The following NAP1L3 variants were observed in gnomAD, a reference collection of about 807,000 sequenced individuals.
NAP1L3 encodes the protein nucleosome assembly protein 1 like 3.
For synonymous variants in NAP1L3, 127 were observed against 131.9 expected (o/e 0.96, Z 0.25); for missense variants, 378 against 369.9 (o/e 1.02, Z -0.18).
Position 93,673,305 on chromosome X carries a change from C to T in NAP1L3, c.-1G>A, listed in dbSNP as rs766425655. 6.9e-5 allele frequency: 81 copies of T among 1,179,501 alleles called. 1 individual carries two copies. In the Admixed American group the frequency reaches 1.9e-3, roughly 27 times the overall value. Reference sequence around the variant, plus strand: ...CCATTTTAAAATCTGCTTCTGCCATCTTGCAAGCCTACAAACTCTACCAGG... The same window carrying T: ...CCATTTTAAAATCTGCTTCTGCCATTTTGCAAGCCTACAAACTCTACCAGG... On this transcript the variant is annotated 5_prime_UTR_variant, in exon 1 of 1. Transcript: ENST00000373079.
Position 93,672,652 on chromosome X carries a change from T to A in NAP1L3, c.653A>T (p.Asp218Val). ...TTCTTTAGGAACTTCCTTTTCTTCA[T>A]CCTTCACCTCAGGAATTTCTTTAGG... is the stretch of plus-strand genomic sequence containing the variant. Reference protein sequence around the residue: ...EVPKEIPEVKDEEKEVPKEIP... With the variant: ...EVPKEIPEVKVEEKEVPKEIP... The change falls in exon 1 of 1, where the codon GAT (aspartate) becomes GTT (valine). Residue 218 changes from aspartate to valine, a missense_variant. Asp to Val is a radical substitution (Grantham distance 152). Coordinates refer to ENST00000373079, the MANE Select transcript of NAP1L3 (RefSeq NM_004538.6). 1 of 1,211,093 alleles carries A rather than the reference T, an allele frequency of 8.3e-7. No individual in the cohort carries two copies. Among genetic ancestry groups the A allele is most frequent in the Non-Finnish European group, 1.1e-6 (1 of 895,383 alleles).
chrX:93,672,631 T>G lies in NAP1L3; in HGVS notation c.674A>C (p.Lys225Thr). 1 of 1,211,444 alleles carries G rather than the reference T, an allele frequency of 8.3e-7. No homozygotes were observed. The highest frequency in any genetic ancestry group is 1.1e-6 in the Non-Finnish European group (1 of 895,446). ...TTCAGCCTTTACCTCAGGAATTTCTTTAGGAACTTCCTTTTCTTCATCCTT... is the reference window on the plus strand; with the variant it reads ...TTCAGCCTTTACCTCAGGAATTTCTGTAGGAACTTCCTTTTCTTCATCCTT... ...EVKDEEKEVPKEIPEVKAEEK... is the reference protein window; with the variant it reads ...EVKDEEKEVPTEIPEVKAEEK... Residue 225 changes from lysine to threonine, a missense_variant, in exon 1 of 1, where the codon AAA (lysine) becomes ACA (threonine). Physicochemically the swap from Lys to Thr is moderately conservative, Grantham distance 78. Coordinates refer to ENST00000373079, the MANE Select transcript of NAP1L3 (RefSeq NM_004538.6).
Position 93,672,890 on chromosome X carries a change from G to A in NAP1L3, c.415C>T (p.Leu139Phe), listed in dbSNP as rs1602773090. 1 of 1,211,485 alleles carries A rather than the reference G, an allele frequency of 8.3e-7. No individual in the cohort carries two copies. Among genetic ancestry groups the A allele is most frequent in the Non-Finnish European group, 1.1e-6 (1 of 895,438 alleles). ...IHDLERKYAE[L>F]NKPLYDRRFQ... is the part of the protein sequence containing the mutation. ...CGCCTATCATACAGAGGCTTGTTGA[G>A]TTCAGCATATTTTCTTTCAAGATCA... Residue 139 changes from leucine to phenylalanine, a missense_variant, in exon 1 of 1, where the codon CTC (leucine) becomes TTC (phenylalanine). Physicochemically the swap from Leu to Phe is conservative, Grantham distance 22. Transcript: ENST00000373079.
In NAP1L3 at chrX:93,671,716, T is replaced by C. The variant is rs1003402836; in HGVS notation, c.*68A>G. 2 of 1,114,960 alleles carry C rather than the reference T, an allele frequency of 1.8e-6. No individual in the cohort carries two copies. The highest frequency in any genetic ancestry group is 1.9e-5 in the African/African-American group (1 of 53,870). The allele number at this position is 1,114,960 out of a possible 1,213,427, so 91.9% of individuals were successfully genotyped here. On this transcript the variant is annotated 3_prime_UTR_variant, in exon 1 of 1. Transcript: ENST00000373079. ...GGTTACAGGTCAGGGTTTTACTTTT[T>C]TCAAGGCTGTATGAATCTGCTTCAC...
In NAP1L3 at chrX:93,671,313, T is replaced by G. The variant is rs1924350802; in HGVS notation, c.*471A>C. 8.8e-6 allele frequency: 1 copy of G among 113,636 alleles called. No individual in the cohort carries two copies. The highest frequency in any genetic ancestry group is 3.2e-5 in the African/African-American group (1 of 30,862). The allele number at this position is 113,636 out of a possible 1,213,427, so 9.4% of individuals were successfully genotyped here. ...TAAGTACTGGATTTCTATAGCAAAC[T>G]AATGAAGGCACAGCTAGTGCAAGCA... On this transcript the variant is annotated 3_prime_UTR_variant, in exon 1 of 1. Transcript: ENST00000373079.
rs932297382 is a variant in NAP1L3 at position 93,673,554 on chromosome X, G to A, written c.-250C>T. On this transcript the variant is annotated 5_prime_UTR_variant, in exon 1 of 1. Coordinates refer to ENST00000373079, the MANE Select transcript of NAP1L3 (RefSeq NM_004538.6). ...CCGGCTGCAGCTAGAGTGCCGAGATGTACCGCAGCCGAATGGCGCAGTATG... is the reference window on the plus strand; with the variant it reads ...CCGGCTGCAGCTAGAGTGCCGAGATATACCGCAGCCGAATGGCGCAGTATG... 4.9e-5 allele frequency: 19 copies of A among 390,058 alleles called. No homozygotes were observed. Among genetic ancestry groups the A allele is most frequent in the African/African-American group, 3.4e-4 (13 of 37,990 alleles). 32.1% of individuals were successfully genotyped at this position (390,058 alleles called of 1,213,427 possible). A position where few individuals can be genotyped will look rare whatever the true frequency, so the allele number is the denominator to read the frequency against.
At position 93,671,113 on chromosome X, in the gene NAP1L3, CTA is replaced by C. The variant is rs928657779; in HGVS notation, c.*669_*670del. On this transcript the variant is annotated 3_prime_UTR_variant, in exon 1 of 1. Coordinates refer to ENST00000373079, the MANE Select transcript of NAP1L3 (RefSeq NM_004538.6). ...AGATGAAGAAACTTTTTCAAAAATA[CTA>C]TGTTATATTAACACCTCAGTGGTAA... is the stretch of plus-strand genomic sequence containing the variant. 10 of 112,087 alleles carry C rather than the reference CTA, an allele frequency of 8.9e-5. No individual in the cohort carries two copies. Among genetic ancestry groups the C allele is most frequent in the Admixed American group, 4.7e-4 (5 of 10,621 alleles). 9.2% of individuals were successfully genotyped at this position (112,087 alleles called of 1,213,427 possible). A position where few individuals can be genotyped will look rare whatever the true frequency, so the allele number is the denominator to read the frequency against.
In NAP1L3 at chrX:93,673,064, G is replaced by T. The variant is rs771951109; in HGVS notation, c.241C>A (p.Pro81Thr). The change falls in exon 1 of 1, where the codon CCT (proline) becomes ACT (threonine). Residue 81 changes from proline (P) to threonine (T), a missense_variant. By Grantham distance (38) the Pro-to-Thr change is conservative (BLOSUM62 -1). Transcript: ENST00000373079. ...CGCCGCGCCCTTCTGGAAGGCTCAG[G>T]TACCCTCTTCTTTCTATACAAGCGG... ...RSRLYRKKRVPEPSRRARRAP... is the reference protein window; with the variant it reads ...RSRLYRKKRVTEPSRRARRAP... The T allele has an allele frequency of 1.7e-5, 21 of 1,209,195 alleles. No individual in the cohort carries two copies. In the East Asian group the frequency reaches 6.2e-4, roughly 36 times the overall value.
At position 93,672,175 on chromosome X, in the gene NAP1L3, T is replaced by C; in HGVS notation, c.1130A>G (p.Tyr377Cys). 1 of 1,211,623 alleles carries C rather than the reference T, an allele frequency of 8.3e-7. No individual in the cohort carries two copies. The highest frequency in any genetic ancestry group is 1.1e-6 in the Non-Finnish European group (1 of 895,447). The change falls in exon 1 of 1, where the codon TAT becomes TGT. Residue 377 changes from tyrosine (Y) to cysteine (C), a missense_variant. Transcript: ENST00000373079. ...YFRNEVLVKT[Y>C]IIKAKPDHND... ...GTGATCTGGTTTTGCCTTTATTATA[T>C]ATGTCTTCACCAGCACCTCATTTCT...
chrX:93,673,462 A>C lies in NAP1L3; in HGVS notation c.-158T>G, dbSNP rs1475422597. 1.1e-6 allele frequency: 1 copy of C among 919,885 alleles called. No individual in the cohort carries two copies. Among genetic ancestry groups the C allele is most frequent in the Admixed American group, 4.1e-5 (1 of 24,537 alleles). The allele number at this position is 919,885 out of a possible 1,213,427, so 75.8% of individuals were successfully genotyped here. On this transcript the variant is annotated 5_prime_UTR_variant, in exon 1 of 1. Transcript: ENST00000373079. Reference sequence around the variant, plus strand: ...AGAGCGGAGCTGGAGCTGGGGATGCAGAGGCCGGCGCTGAGGTGGCAGCGG... The same window carrying C: ...AGAGCGGAGCTGGAGCTGGGGATGCCGAGGCCGGCGCTGAGGTGGCAGCGG...
Position 93,672,671 on chromosome X carries a change from C to T in NAP1L3, c.634G>A (p.Glu212Lys), listed in dbSNP as rs1311114900. ...VKAEEKEVPKEIPEVKDEEKE... is the reference protein window; with the variant it reads ...VKAEEKEVPKKIPEVKDEEKE... ...TCTTCATCCTTCACCTCAGGAATTT[C>T]TTTAGGAACTTCCTTCTCTTCAGCT... The change falls in exon 1 of 1, where the codon GAA becomes AAA. Residue 212 changes from glutamate (E) to lysine (K), a missense_variant. Glu to Lys is a moderately conservative substitution (Grantham distance 56). Coordinates refer to ENST00000373079, the MANE Select transcript of NAP1L3 (RefSeq NM_004538.6). 8.3e-7 allele frequency: 1 copy of T among 1,208,940 alleles called. No homozygotes were observed. The highest frequency in any genetic ancestry group is 3.0e-5 in the East Asian group (1 of 33,732).
rs1249730364 is a variant in NAP1L3, at chrX:93,671,616, C to A, written c.*168G>T. 15 of 808,424 alleles carry A rather than the reference C, an allele frequency of 1.9e-5. No individual in the cohort carries two copies. The highest frequency in any genetic ancestry group is 2.3e-5 in the Non-Finnish European group (14 of 601,858). 66.6% of individuals were successfully genotyped at this position (808,424 alleles called of 1,213,427 possible). On this transcript the variant is annotated 3_prime_UTR_variant, in exon 1 of 1. Transcript: ENST00000373079. ...GATAGAATAAACTGGCACTTAGACA[C>A]TTTTTAGGACTATTTTTAAAATATA...
chrX:93,671,769 A>T lies in NAP1L3; in HGVS notation c.*15T>A. On this transcript the variant is annotated 3_prime_UTR_variant, in exon 1 of 1. Transcript: ENST00000373079. Reference sequence around the variant, plus strand: ...CTTGAGATTTTAAGATTCTTGAAAAATCTTTCAGATTGACTTATTTTCTGT... The same window carrying T: ...CTTGAGATTTTAAGATTCTTGAAAATTCTTTCAGATTGACTTATTTTCTGT... 8.5e-7 allele frequency: 1 copy of T among 1,173,012 alleles called. No homozygotes were observed. Among genetic ancestry groups the T allele is most frequent in the Non-Finnish European group, 1.1e-6 (1 of 878,288 alleles).
At position 93,673,250 on chromosome X, in the gene NAP1L3, C is replaced by T; in HGVS notation, c.55G>A (p.Glu19Lys). 5.0e-6 allele frequency: 6 copies of T among 1,206,910 alleles called. No individual in the cohort carries two copies. The highest frequency in any genetic ancestry group is 6.7e-6 in the Non-Finnish European group (6 of 892,220). The change falls in exon 1 of 1, where the codon GAA becomes AAA. Residue 19 changes from glutamate (E) to lysine (K), a missense_variant. Physicochemically the swap from Glu to Lys is moderately conservative, Grantham distance 56. Transcript: ENST00000373079. ...CTAGTCGAGCTAGCCATCTCCTCTT[C>T]GGCAACCCCATGGGCGACAGGTTCC... The part of the protein sequence containing the change: ...VSEPVAHGVA[E>K]EEMASSTSDS...
chrX:93,671,409 C>CTT lies in NAP1L3; in HGVS notation c.*373_*374dup. ...AACACTTGCATTGGTACTTCATGAA[C>CTT]TTTTTTTTTCAAGCAAATATTTGTT... On this transcript the variant is annotated 3_prime_UTR_variant, in exon 1 of 1. Coordinates refer to ENST00000373079, the MANE Select transcript of NAP1L3 (RefSeq NM_004538.6). 7.9e-6 allele frequency: 1 copy of CTT among 125,891 alleles called. No individual in the cohort carries two copies. Among genetic ancestry groups the CTT allele is most frequent in the Non-Finnish European group, 1.6e-5 (1 of 62,540 alleles). 10.4% of individuals were successfully genotyped at this position (125,891 alleles called of 1,213,427 possible).
At position 93,671,416 on chromosome X, in the gene NAP1L3, T is replaced by A. The variant is rs1469352064; in HGVS notation, c.*368A>T. On this transcript the variant is annotated 3_prime_UTR_variant, in exon 1 of 1. Coordinates refer to ENST00000373079, the MANE Select transcript of NAP1L3 (RefSeq NM_004538.6). ...GCATTGGTACTTCATGAACTTTTTT[T>A]TTCAAGCAAATATTTGTTTCAGTTA... 1 of 129,611 alleles carries A rather than the reference T, an allele frequency of 7.7e-6. No individual in the cohort carries two copies. Among genetic ancestry groups the A allele is most frequent in the African/African-American group, 3.2e-5 (1 of 31,541 alleles). 10.7% of individuals were successfully genotyped at this position (129,611 alleles called of 1,213,427 possible).
rs778332322 is a variant in NAP1L3, at chrX:93,671,800, T to C, written c.1505A>G (p.Lys502Arg). Residue 502 changes from lysine (K) to arginine (R), a missense_variant, in exon 1 of 1, where the codon AAG becomes AGG. Physicochemically the swap from Lys to Arg is conservative, Grantham distance 26. Transcript: ENST00000373079. ...YYQFGKHYGN[K>R]KYRK ...CAGATTGACTTATTTTCTGTATTTC[T>C]TGTTTCCATAATGTTTGCCAAATTG... 31 of 1,190,882 alleles carry C rather than the reference T, an allele frequency of 2.6e-5. No individual in the cohort carries two copies. The highest frequency in any genetic ancestry group is 3.5e-5 in the Non-Finnish European group (31 of 886,242).
In NAP1L3 at chrX:93,673,409, G is replaced by GTGGCAGCGGCGA. The variant is rs1464196174; in HGVS notation, c.-117_-106dup. On this transcript the variant is annotated 5_prime_UTR_variant, in exon 1 of 1. Transcript: ENST00000373079. ...GGCGGCGGAGGCCCGGGCTGCGGAG[G>GTGGCAGCGGCGA]TGGCAGCGGCGATGGCAGCAGCGGC... 3.6e-6 allele frequency: 4 copies of GTGGCAGCGGCGA among 1,095,957 alleles called. No homozygotes were observed. The highest frequency in any genetic ancestry group is 4.7e-5 in the South Asian group (2 of 42,643). The allele number at this position is 1,095,957 out of a possible 1,213,427, so 90.3% of individuals were successfully genotyped here.
Position 93,673,437 on chromosome X carries a change from A to G in NAP1L3, c.-133T>C. On this transcript the variant is annotated 5_prime_UTR_variant, in exon 1 of 1. Coordinates refer to ENST00000373079, the MANE Select transcript of NAP1L3 (RefSeq NM_004538.6). ...GCAGCGGCGATGGCAGCAGCGGCGC[A>G]GAGCGGAGCTGGAGCTGGGGATGCA... 2 of 1,028,481 alleles carry G rather than the reference A, an allele frequency of 1.9e-6. No homozygotes were observed. Among genetic ancestry groups the G allele is most frequent in the African/African-American group, 1.9e-5 (1 of 52,021 alleles). The allele number at this position is 1,028,481 out of a possible 1,213,427, so 84.8% of individuals were successfully genotyped here. A position where few individuals can be genotyped will look rare whatever the true frequency, so the allele number is the denominator to read the frequency against.
Sources: gnomAD v4.1 joint callset for allele counts on GRCh38, gnomAD v4.1.1 for gene constraint, MANE v1.5 for transcripts, NCBI Gene and HGNC (gene_info 2026-07-23, HGNC 2026-07-21) for gene names.